Variants in C12orf54 observed in about 807,000 individuals in gnomAD.
C12orf54 encodes uncharacterized protein C12orf54.
A neutral mutation model predicts 26.4 loss-of-function variants in C12orf54; 24 were observed. That is an observed-to-expected ratio of 0.91 (90% CI 0.66 to 1.28). The LOEUF (loss-of-function observed/expected upper bound fraction) is 1.28. Among genes scored for constraint, C12orf54 ranks in the 50% most tolerant of loss-of-function variants. The pLI is 0.00. For missense variants in C12orf54, 154 were observed against 150.9 expected, an observed-to-expected ratio of 1.02 and a Z score of -0.11; for synonymous variants, 54 against 47.0, an observed-to-expected ratio of 1.15 and a Z score of -0.61.
chr12:48,455,133 T>C, the C12orf54 span, among the ~76,000 whole-genome samples: 1 of 152,176 alleles, frequency 6.6e-6, no homozygotes, highest in Non-Finnish European at 1.5e-5. Context: ...GTGTCTATTG[T>C]TCTCCTCTTT....
the C12orf54 span, among the ~76,000 whole-genome samples, chr12:48,453,823 C>G: frequency 6.6e-6 from 1 of 151,504 alleles, no homozygotes; most frequent in Non-Finnish European, 1.5e-5. Flanking sequence ...ATCTACCTAC[C>G]TATCCATATC....
the C12orf54 span, among the ~76,000 whole-genome samples, chr12:48,453,827 C>A: frequency 6.6e-6 from 1 of 151,592 alleles, no homozygotes; most frequent in South Asian, 2.1e-4. Flanking sequence ...ACCTACCTAT[C>A]CATATCCATA....
chr12:48,478,958 T>C (rs906396474), upstream of C12orf54, among the ~76,000 whole-genome samples: 5 of 152,200 alleles, frequency 3.3e-5, no homozygotes, highest in Admixed American at 6.5e-5. Flanking sequence ...GTCAGTGTGG[T>C]GATTCCTCAG....
chr12:48,484,977 G>C (rs374093319), intron 2 of C12orf54, among the ~76,000 whole-genome samples: 3 of 152,202 alleles, frequency 2.0e-5, no homozygotes, highest in Non-Finnish European at 4.4e-5. Context: ...AGAATTGTGT[G>C]CCTGAGCCAT....
the C12orf54 span, among the ~76,000 whole-genome samples, chr12:48,470,851 A>C: frequency 2.8e-4 from 43 of 151,986 alleles, no homozygotes; most frequent in Admixed American, 2.8e-3. Flanking sequence ...TGCATATTAG[A>C]TATATATACT....
In C12orf54 at chr12:48,486,736, G is replaced by C; in HGVS notation, c.135+10G>C. 2 of 1,611,632 alleles carry C rather than the reference G, an allele frequency of 1.2e-6. No individual in the cohort carries two copies. The highest frequency in any genetic ancestry group is 1.7e-6 in the Non-Finnish European group (2 of 1,177,820). On this transcript the variant is annotated intron_variant, in intron 4 of 8. Coordinates refer to ENST00000548364, the MANE Select transcript of C12orf54 (RefSeq NM_152319.4). ...AACCCTGTGGGACCAGGTGAGTACAGAGGAATCATTTTTGACAGCATGGCA... is the reference window on the plus strand; with the variant it reads ...AACCCTGTGGGACCAGGTGAGTACACAGGAATCATTTTTGACAGCATGGCA...
At chr12:48,446,077 C>A in the C12orf54 span, among the ~76,000 whole-genome samples, 1 of 152,180 alleles carries the variant, frequency 6.6e-6, no homozygotes, top group East Asian at 1.9e-4. Flanking sequence ...GAAAACATAA[C>A]CATACTTCTG....
chr12:48,465,419 G>C, the C12orf54 span, among the ~76,000 whole-genome samples: 1 of 152,100 alleles, frequency 6.6e-6, no homozygotes, highest in Non-Finnish European at 1.5e-5. Flanking sequence ...CATAACTGAT[G>C]CTGGCAAGGT....
chr12:48,492,942 T>C lies in C12orf54; in HGVS notation c.194-5T>C. The C allele has an allele frequency of 6.2e-7, 1 of 1,613,772 alleles. No homozygotes were observed. The highest frequency in any genetic ancestry group is 8.5e-7 in the Non-Finnish European group (1 of 1,179,682). On this transcript the variant is annotated splice_region_variant and splice_polypyrimidine_tract_variant and intron_variant, in intron 6 of 8. Coordinates refer to ENST00000548364, the MANE Select transcript of C12orf54 (RefSeq NM_152319.4). ...CAGAATGACTCTTCTCTGTGTCCAC[T>C]TTAGGGATGAGCAACTGCTCCATGA...
At chr12:48,434,897 C>G in the C12orf54 span, among the ~76,000 whole-genome samples, 5 of 152,118 alleles carry the variant, frequency 3.3e-5, no homozygotes, top group African/African-American at 1.2e-4. Flanking sequence ...AGCAATGGAA[C>G]AAAGCTGGAC....
chr12:48,474,910 G>A, the C12orf54 span, among the ~76,000 whole-genome samples: 29 of 152,288 alleles, frequency 1.9e-4, no homozygotes, highest in African/African-American at 6.3e-4. Flanking sequence ...TGGTTCTCCC[G>A]GCACGCAGCT....
the C12orf54 span, among the ~76,000 whole-genome samples, chr12:48,473,876 A>G: frequency 6.6e-6 from 1 of 152,206 alleles, no homozygotes; most frequent in Admixed American, 6.5e-5. Context: ...CGGAACTGCT[A>G]GAGGCATCCA....
the C12orf54 span, among the ~76,000 whole-genome samples, chr12:48,424,230 T>C: frequency 6.6e-6 from 1 of 152,234 alleles, no homozygotes; most frequent in African/African-American, 2.4e-5. Context: ...GATTTAAATA[T>C]TGCTGGATTT....
the C12orf54 span, among the ~76,000 whole-genome samples, chr12:48,447,830 CAT>C: frequency 6.6e-6 from 1 of 152,156 alleles, no homozygotes; most frequent in Admixed American, 6.5e-5. Flanking sequence ...AATCTAATCA[CAT>C]GAGTTTTTAA....
chr12:48,447,883 T>C, the C12orf54 span, among the ~76,000 whole-genome samples: 2 of 152,166 alleles, frequency 1.3e-5, no homozygotes, highest in Non-Finnish European at 2.9e-5. Flanking sequence ...AGAGATGTGA[T>C]AGAAATGGAA....
chr12:48,439,289 C>A, the C12orf54 span, among the ~76,000 whole-genome samples: 6 of 152,302 alleles, frequency 3.9e-5, no homozygotes, highest in South Asian at 1.2e-3. Flanking sequence ...AACACTTTTA[C>A]ACTGTTGGTG....
intron 4 of C12orf54, 89 bp downstream of exon 4, chr12:48,486,815 C>T: frequency 7.4e-7 from 1 of 1,354,476 alleles, no homozygotes; most frequent in Non-Finnish European, 1.0e-6. Flanking sequence ...TTTCTCTTTC[C>T]TTGAGCGGTT....
the C12orf54 span, among the ~76,000 whole-genome samples, chr12:48,432,452 T>C: frequency 1.1e-4 from 16 of 152,196 alleles, no homozygotes; most frequent in Non-Finnish European, 1.5e-4. Context: ...CTTAAAGATA[T>C]TCATCAAAAA....
the C12orf54 span, among the ~76,000 whole-genome samples, chr12:48,439,728 C>T: frequency 1.3e-5 from 2 of 152,176 alleles, no homozygotes; most frequent in African/African-American, 4.8e-5. Context: ...AGGGGAACAT[C>T]ACACACCGGG....
Sources: allele counts gnomAD v4.1 joint callset (sites outside exome capture counted in the v4.1 genomes callset), GRCh38; gene constraint gnomAD v4.1.1; transcripts MANE v1.5; gene names NCBI Gene and HGNC (gene_info 2026-07-23, HGNC 2026-07-21).